Variants in UNC13A observed in about 807,000 individuals in gnomAD.
UNC13A encodes the protein protein unc-13 homolog A.
UNC13A carries 61 observed loss-of-function variants against 219.7 expected under a neutral mutation model. The ratio of observed to expected loss-of-function variants is 0.28; its 90% confidence interval spans 0.23 to 0.34. The LOEUF (loss-of-function observed/expected upper bound fraction) is 0.34, where lower values mean the gene tolerates loss of function less well. Among genes scored for constraint, UNC13A ranks in the 10% least tolerant of loss-of-function variants. The probability of loss-of-function intolerance (pLI) is 1.00; values close to 1 mark genes in which losing one functional copy is unlikely to be tolerated. For missense variants in UNC13A, 1,476 were observed against 2,270.3 expected, an observed-to-expected ratio of 0.65 and a Z score of 7.11; for synonymous variants, 920 against 884.6, an observed-to-expected ratio of 1.04 and a Z score of -0.71.
In UNC13A at chr19:17,642,839, C is replaced by T. The variant is rs1383216705; in HGVS notation, c.2472+6G>A. 6.2e-7 allele frequency: 1 copy of T among 1,602,594 alleles called. No individual in the cohort carries two copies. The highest frequency in any genetic ancestry group is 1.3e-5 in the African/African-American group (1 of 74,890). On this transcript the variant is annotated splice_donor_region_variant and intron_variant, in intron 20 of 43. Transcript: ENST00000519716. ...GGCATGGGAGGGGCCGAGCAATGACCCTCACCTCATGCAGACAGGTGTACT... is the reference window on the plus strand; with the variant it reads ...GGCATGGGAGGGGCCGAGCAATGACTCTCACCTCATGCAGACAGGTGTACT...
chr19:17,662,075 C>G (rs191639884), intron 8 of UNC13A, among the ~76,000 whole-genome samples: 1 of 152,172 alleles, frequency 6.6e-6, no homozygotes, highest in East Asian at 1.9e-4. Context: ...AACCCCATCT[C>G]TACTAAAAAT....
intron 1 of UNC13A, among the ~76,000 whole-genome samples, chr19:17,686,380 G>C (rs2080112730): frequency 6.6e-6 from 1 of 151,104 alleles, no homozygotes; most frequent in Non-Finnish European, 1.5e-5. Context: ...GGTGGGGCGG[G>C]ATGCTGGGGG....
At chr19:17,620,219 G>C (rs1214901437) in intron 38 of UNC13A, among the ~76,000 whole-genome samples, 2 of 152,110 alleles carry the variant, frequency 1.3e-5, no homozygotes, top group Non-Finnish European at 2.9e-5. Context: ...TGTCTTACTG[G>C]GTCCTGGGGT....
At position 17,627,977 on chromosome 19, in the gene UNC13A, G is replaced by T; in HGVS notation, c.3754-37C>A. 6.4e-7 allele frequency: 1 copy of T among 1,557,854 alleles called. No homozygotes were observed. On this transcript the variant is annotated intron_variant, in intron 31 of 43. Transcript: ENST00000519716. This position sits in a 1 kb window ranked among gnomAD's most constrained non-coding sequence, Gnocchi z 4.7. Reference sequence around the variant, plus strand: ...AACAGAGAGGGGAGTCAAGCCTCAGGACCTCTCCCCAGAGCCTCCCCTACC... The same window carrying T: ...AACAGAGAGGGGAGTCAAGCCTCAGTACCTCTCCCCAGAGCCTCCCCTACC...
At chr19:17,610,814 A>G (rs2076595497) in intron 42 of UNC13A, among the ~76,000 whole-genome samples, 1 of 152,168 alleles carries the variant, frequency 6.6e-6, no homozygotes, top group Non-Finnish European at 1.5e-5. Context: ...GGACTGCTTG[A>G]GGCCAGGAGT....
At chr19:17,661,583 A>G (rs1361076677) in intron 8 of UNC13A, among the ~76,000 whole-genome samples, 4 of 151,838 alleles carry the variant, frequency 2.6e-5, no homozygotes, top group Non-Finnish European at 4.4e-5. Flanking sequence ...AATCCCAACT[A>G]CTCGGGAGGC....
chr19:17,631,978 T>G lies in UNC13A; in HGVS notation c.3428+804A>C, dbSNP rs548605498. On this transcript the variant is annotated intron_variant, in intron 28 of 43. Coordinates refer to ENST00000519716, the MANE Select transcript of UNC13A (RefSeq NM_001080421.3). ...CCAGCTGGAATCCAGTGGTGCAATC[T>G]CGGCTCACTGCAACCTCCGCCTCCT... Among the ~76,000 whole-genome samples the G allele has an allele frequency of 5.3e-4, 80 of 152,298 alleles. 1 individual carries two copies. In the East Asian group the frequency reaches 0.014, roughly 28 times the overall value.
chr19:17,606,171 G>A lies in UNC13A; in HGVS notation c.4995C>T (p.Gly1665=), dbSNP rs751653585. Residue 1665 remains glycine (G), a synonymous_variant, in exon 44 of 44, where the codon GGC becomes GGT. Transcript: ENST00000519716. ...LGRRIHMDDT[G]LTVLRILSQR... ...GCGAGAGGATTCGCAGCACCGTGAG[G>A]CCCGTGTCGTCCATGTGGATGCGGC... 1.3e-6 allele frequency: 2 copies of A among 1,572,812 alleles called. No individual in the cohort carries two copies. Among genetic ancestry groups the A allele is most frequent in the East Asian group, 2.4e-5 (1 of 41,794 alleles).
At chr19:17,686,864 T>C (rs910645499) in intron 1 of UNC13A, among the ~76,000 whole-genome samples, 9 of 151,642 alleles carry the variant, frequency 5.9e-5, no homozygotes, top group African/African-American at 1.2e-4. Flanking sequence ...GGTTCCCGGC[T>C]CCCCGGCCTG....
intron 34 of UNC13A, among the ~76,000 whole-genome samples, chr19:17,625,586 C>T (rs2076773775): frequency 6.6e-6 from 1 of 151,828 alleles, no homozygotes; most frequent in African/African-American, 2.4e-5. Context: ...TCTACCCATC[C>T]ATCCACTTAT....
intron 39 of UNC13A, among the ~76,000 whole-genome samples, 197 bp from the exon 40 acceptor site, chr19:17,618,698 A>T (rs1368883103): frequency 6.6e-6 from 1 of 152,174 alleles, no homozygotes; most frequent in Non-Finnish European, 1.5e-5. Context: ...TGCCCTCTTG[A>T]TCAAGCTGTA....
At position 17,601,764 on chromosome 19, in the gene UNC13A, G is replaced by A. The variant is rs948082880; in HGVS notation, c.*4290C>T. The A allele has an allele frequency of 1.3e-5, 2 of 152,552 alleles. No individual in the cohort carries two copies. Among genetic ancestry groups the A allele is most frequent in the Non-Finnish European group, 2.9e-5 (2 of 68,032 alleles). The allele number at this position is 152,552 out of a possible 1,614,324, so 9.4% of individuals were successfully genotyped here. ...AGAGAGCCACTATGGCTGGACGGGG[G>A]TAAGGGGTGGGGTGTTACTTGACAC... On this transcript the variant is annotated 3_prime_UTR_variant, in exon 44 of 44. Coordinates refer to ENST00000519716, the MANE Select transcript of UNC13A (RefSeq NM_001080421.3).
intron 6 of UNC13A, 32 bp downstream of exon 6, chr19:17,668,085 A>G: frequency 6.2e-7 from 1 of 1,606,824 alleles, no homozygotes; most frequent in Non-Finnish European, 8.5e-7. Flanking sequence ...AGAAACAAGG[A>G]AGAAACAGTC....
At position 17,652,687 on chromosome 19, in the gene UNC13A, A is replaced by G. The variant is rs762720972; in HGVS notation, c.1393-10T>C. 1 of 1,613,206 alleles carries G rather than the reference A, an allele frequency of 6.2e-7. No homozygotes were observed. The highest frequency in any genetic ancestry group is 1.7e-5 in the Admixed American group (1 of 59,978). On this transcript the variant is annotated splice_polypyrimidine_tract_variant and intron_variant, in intron 11 of 43. Transcript: ENST00000519716. ...CTCCTTCTCCCCGGGCCTGCAGGAC[A>G]GACAGACAGATATGGTCAGTGTGGC...
rs555173713 is a variant in UNC13A at position 17,662,302 on chromosome 19, C to CGGGA, written c.559+1226_559+1229dup. 3.4e-3 allele frequency among the ~76,000 whole-genome samples: 513 copies of CGGGA among 151,944 alleles called. 4 individuals carry two copies. Among genetic ancestry groups the CGGGA allele is most frequent in the African/African-American group, 0.011 (473 of 41,424 alleles). The stretch of plus-strand genomic sequence containing the variant: ...AACCCTACTGTGAACTGTGCATGTG[C>CGGGA]GGGATCTAGGTTGTGTGCTCCTTAT... On this transcript the variant is annotated intron_variant, in intron 8 of 43. Coordinates refer to ENST00000519716, the MANE Select transcript of UNC13A (RefSeq NM_001080421.3).
chr19:17,640,667 G>A lies in UNC13A; in HGVS notation c.2637-6C>T, dbSNP rs910018709. Reference sequence around the variant, plus strand: ...AGGAGAGGCAGGCAAAGTGGCTGGAGAGAGGGAGCAGGAGGCACTAGGCCA... The same window carrying A: ...AGGAGAGGCAGGCAAAGTGGCTGGAAAGAGGGAGCAGGAGGCACTAGGCCA... On this transcript the variant is annotated splice_polypyrimidine_tract_variant and splice_region_variant and intron_variant, in intron 21 of 43. Coordinates refer to ENST00000519716, the MANE Select transcript of UNC13A (RefSeq NM_001080421.3). The A allele has an allele frequency of 3.2e-6, 5 of 1,576,636 alleles. No individual in the cohort carries two copies. The highest frequency in any genetic ancestry group is 3.7e-5 in the Admixed American group (2 of 54,152).
At chr19:17,638,958 C>A (rs1407428852) in intron 25 of UNC13A, 125 bp downstream of exon 25, 2 of 1,174,632 alleles carry the variant, frequency 1.7e-6, no homozygotes, top group African/African-American at 3.1e-5. Flanking sequence ...GGTTAATGAC[C>A]CCATTTTATA....
At chr19:17,621,924 A>C (rs2076733558) in intron 36 of UNC13A, 54 bp from the exon 37 acceptor site, 1 of 1,583,794 alleles carries the variant, frequency 6.3e-7, no homozygotes, top group Non-Finnish European at 8.7e-7. Context: ...CAGGGTGGGA[A>C]GCTGGGATGC....
chr19:17,606,488 G>A, intron 43 of UNC13A, 134 bp from the exon 44 acceptor site: 8 of 1,269,358 alleles, frequency 6.3e-6, no homozygotes, highest in Non-Finnish European at 8.5e-6. Context: ...CGCTACGCTA[G>A]CCCCGCCCCT....
Sources: allele counts gnomAD v4.1 joint callset (sites outside exome capture counted in the v4.1 genomes callset), GRCh38; gene constraint gnomAD v4.1.1; non-coding constraint Gnocchi (gnomAD v3.1); transcripts MANE v1.5; gene names NCBI Gene and HGNC (gene_info 2026-07-23, HGNC 2026-07-21).